The following MANBA variants were observed in gnomAD, a reference collection of about 807,000 sequenced individuals.
MANBA encodes the protein mannosidase beta.
MANBA carries 83 observed loss-of-function variants against 111.1 expected under a neutral mutation model. The ratio of observed to expected loss-of-function variants is 0.75; its 90% CI spans 0.63 to 0.90. MANBA has a LOEUF of 0.90. Among genes scored for constraint, MANBA ranks in the 40% least tolerant of loss-of-function variants. MANBA has a pLI of 0.00. For missense variants in MANBA, 1,036 were observed against 1,069.0 expected (o/e 0.97, Z 0.43); for synonymous variants, 370 against 378.7 (o/e 0.98, Z 0.27).
At chr4:102,734,290 G>A (rs1013177119) in intron 1 of MANBA, 4 of 1,453,164 alleles carry the variant, frequency 2.8e-6, no homozygotes, top group Non-Finnish European at 2.8e-6. Flanking sequence ...GAGAAGGGCA[G>A]CAGCGTGAGA....
chr4:102,728,986 C>G, intron 1 of MANBA: 2 of 927,308 alleles, frequency 2.2e-6, no homozygotes, highest in Non-Finnish European at 3.5e-6. Context: ...TCTCCTCGCC[C>G]TCCAGCAGCT....
intron 1 of MANBA, among the ~76,000 whole-genome samples, chr4:102,756,195 T>C (rs1479731873): frequency 6.6e-6 from 1 of 152,208 alleles, no homozygotes; most frequent in African/African-American, 2.4e-5. Context: ...TGCAGCACTA[T>C]TCACAATAGC....
chr4:102,742,843 T>C (rs1723454806), intron 1 of MANBA, among the ~76,000 whole-genome samples: 1 of 152,202 alleles, frequency 6.6e-6, no homozygotes, highest in Non-Finnish European at 1.5e-5. Flanking sequence ...TGCCACCAGG[T>C]AGCTGGCTGA....
rs1161725354 is a variant in MANBA at position 102,635,108 on chromosome 4, T to C, written c.2158-63A>G. 147 of 1,564,220 alleles carry C rather than the reference T, an allele frequency of 9.4e-5. No individual in the cohort carries two copies. In the East Asian group the frequency reaches 1.6e-3, roughly 17 times the overall value. On this transcript the variant is annotated intron_variant, in intron 15 of 16. Transcript: ENST00000647097. ...TGGTTGCTATGTTTTTAAGGAACAA[T>C]AGTAGTAATAATTGCTGAAAGTCAG...
intron 4 of MANBA, among the ~76,000 whole-genome samples, chr4:102,721,341 A>G (rs1470616077): frequency 6.6e-6 from 1 of 152,108 alleles, no homozygotes; most frequent in Non-Finnish European, 1.5e-5. Flanking sequence ...TAAATAAATA[A>G]ATAAATAAAT....
At chr4:102,758,783 C>G (rs746177054) in intron 1 of MANBA, among the ~76,000 whole-genome samples, 1 of 152,032 alleles carries the variant, frequency 6.6e-6, no homozygotes, top group Non-Finnish European at 1.5e-5. Flanking sequence ...CCTCTGCCTC[C>G]CAAGTGCTGG....
At chr4:102,637,684 T>C (rs1729691111) in intron 14 of MANBA, among the ~76,000 whole-genome samples, 1 of 152,182 alleles carries the variant, frequency 6.6e-6, no homozygotes, top group South Asian at 2.1e-4. Flanking sequence ...CACCCCAGCC[T>C]CACAGGGATA....
chr4:102,714,380 C>T (rs1722230956), intron 5 of MANBA, 58 bp downstream of exon 5: 2 of 1,506,286 alleles, frequency 1.3e-6, no homozygotes, highest in South Asian at 1.1e-5. Context: ...CAATTATAAA[C>T]CCAATTTTTA....
chr4:102,756,078 G>A (rs542227723), intron 1 of MANBA, among the ~76,000 whole-genome samples: 6 of 152,256 alleles, frequency 3.9e-5, no homozygotes, highest in African/African-American at 1.4e-4. Context: ...ATTCCTCAAG[G>A]ATTTAGAACT....
Position 102,642,540 on chromosome 4 carries a change from G to GTGAGCCGAGAACTTGA in MANBA, c.1870-2684_1870-2683insTCAAGTTCTCGGCTCA, listed in dbSNP as rs1179405350. ...GAGAATGGCTTGAACTTGGGAGGCA[G>GTGAGCCGAGAACTTGA]AGGTTGCAGTGAGCCGAGATCAAGC... On this transcript the variant is annotated intron_variant, in intron 13 of 16. Coordinates refer to ENST00000647097, the MANE Select transcript of MANBA (RefSeq NM_005908.4). Among the ~76,000 whole-genome samples, 135 of 152,328 alleles carry GTGAGCCGAGAACTTGA rather than the reference G, an allele frequency of 8.9e-4. 1 individual carries two copies. The East Asian group carries it at 0.013, about 15-fold the overall frequency.
At chr4:102,674,949 T>C (rs1350318803) in intron 7 of MANBA, among the ~76,000 whole-genome samples, 2 of 152,272 alleles carry the variant, frequency 1.3e-5, no homozygotes, top group African/African-American at 4.8e-5. Context: ...ACCATTCTCC[T>C]GCTTCCTGAC....
At chr4:102,743,416 G>A (rs1723481035) in intron 1 of MANBA, among the ~76,000 whole-genome samples, 1 of 152,188 alleles carries the variant, frequency 6.6e-6, no homozygotes, top group African/African-American at 2.4e-5. Context: ...GGATGTCCTA[G>A]AAAGGGGCTG....
intron 1 of MANBA, among the ~76,000 whole-genome samples, chr4:102,736,428 CATT>C (rs1723217802): frequency 6.6e-6 from 1 of 152,214 alleles, no homozygotes; most frequent in Non-Finnish European, 1.5e-5. Flanking sequence ...TGGACTCCAT[CATT>C]ATACCTGATT....
chr4:102,654,524 T>C (rs995862025), intron 12 of MANBA, among the ~76,000 whole-genome samples: 7 of 152,196 alleles, frequency 4.6e-5, no homozygotes, highest in Non-Finnish European at 1.0e-4. Context: ...TTGAAAAAGA[T>C]TTTGAAATTG....
At chr4:102,720,717 T>C (rs1234700419) in intron 4 of MANBA, among the ~76,000 whole-genome samples, 3 of 152,164 alleles carry the variant, frequency 2.0e-5, no homozygotes, top group Admixed American at 6.5e-5. Context: ...TCCAGACTTA[T>C]AAGCAGACAA....
At position 102,674,164 on chromosome 4, in the gene MANBA, C is replaced by T. The variant is rs923744371; in HGVS notation, c.961-94G>A. ...GCAGACCTTTTTGAAAAACTACATT[C>T]AGTAGTTTAATGCTAATTTTCCTAT... On this transcript the variant is annotated intron_variant, in intron 7 of 16. Coordinates refer to ENST00000647097, the MANE Select transcript of MANBA (RefSeq NM_005908.4). The T allele has an allele frequency of 1.3e-5, 12 of 920,774 alleles. No individual in the cohort carries two copies. The African/African-American group carries it at 1.3e-4, about 10-fold the overall frequency. 57.0% of individuals were successfully genotyped at this position (920,774 alleles called of 1,614,324 possible). A position where few individuals can be genotyped will look rare whatever the true frequency, so the allele number is the denominator to read the frequency against.
At chr4:102,727,310 G>T in intron 1 of MANBA, 1 of 630,338 alleles carries the variant, frequency 1.6e-6, no homozygotes. Context: ...GGGCTTCCGT[G>T]CTCTCATTGA....
At chr4:102,704,942 G>A (rs1039772660) in intron 5 of MANBA, among the ~76,000 whole-genome samples, 3 of 152,198 alleles carry the variant, frequency 2.0e-5, no homozygotes, top group Non-Finnish European at 2.9e-5. Flanking sequence ...ATATATTACT[G>A]TCATAATATT....
Position 102,632,172 on chromosome 4 carries a change from T to C in MANBA, c.2525A>G (p.Asn842Ser), listed in dbSNP as rs1157590996. ...TGTCTTCTCAGTCATGAGGAAACCA[T>C]TGTCACTAAATCTCCCTGGGATGCT... ...VGSIPGRFSD[N>S]GFLMTEKTRT... Residue 842 changes from asparagine to serine, a missense_variant, in exon 17 of 17, where the codon AAT (asparagine) becomes AGT (serine). Transcript: ENST00000647097. The C allele has an allele frequency of 6.2e-6, 10 of 1,613,220 alleles. No homozygotes were observed. Among genetic ancestry groups the C allele is most frequent in the African/African-American group, 1.3e-5 (1 of 75,036 alleles).
Sources: gnomAD v4.1 joint callset for allele counts (sites outside exome capture counted in the v4.1 genomes callset) on GRCh38, gnomAD v4.1.1 for gene constraint, MANE v1.5 for transcripts, NCBI Gene and HGNC (gene_info 2026-07-23, HGNC 2026-07-21) for gene names.